Variants in FRMD6 observed in about 807,000 individuals in gnomAD.
FRMD6 encodes FERM domain containing 6, also known as FERM domain-containing protein 6.
FRMD6 carries 37 observed loss-of-function variants against 73.2 expected under a neutral mutation model. That is an observed-to-expected ratio of 0.51 (90% CI 0.39 to 0.66). The LOEUF (loss-of-function observed/expected upper bound fraction) is 0.66, where lower values mean the gene tolerates loss of function less well. Among genes scored for constraint, FRMD6 ranks in the 30% least tolerant of loss-of-function variants. FRMD6 has a pLI of 0.00. For missense variants in FRMD6, 714 were observed against 780.5 expected (o/e 0.91, Z 1.02); for synonymous variants, 273 against 282.2 (o/e 0.97, Z 0.33).
At chr14:51,677,568 C>T (rs1273148695) in intron 1 of FRMD6, among the ~76,000 whole-genome samples, 1 of 152,044 alleles carries the variant, frequency 6.6e-6, no homozygotes, top group Non-Finnish European at 1.5e-5. Flanking sequence ...GGTTGCTAAA[C>T]CTGATATGAC....
intron 2 of FRMD6, among the ~76,000 whole-genome samples, chr14:51,638,924 A>G (rs1267234672): frequency 1.3e-5 from 2 of 152,144 alleles, no homozygotes; most frequent in Non-Finnish European, 2.9e-5. Flanking sequence ...CCTGTTCCAT[A>G]TACATATCTA....
At chr14:51,683,397 A>C (rs1162146257) in intron 1 of FRMD6, among the ~76,000 whole-genome samples, 1 of 151,918 alleles carries the variant, frequency 6.6e-6, no homozygotes, top group African/African-American at 2.4e-5. Flanking sequence ...CTCCTGCCTC[A>C]GCCTCCTGAG....
chr14:51,413,359 T>A, the FRMD6 span, among the ~76,000 whole-genome samples: 2 of 152,320 alleles, frequency 1.3e-5, no homozygotes, highest in African/African-American at 4.8e-5. Context: ...CCACCCTGTG[T>A]CCAAGTGTTC....
intron 2 of FRMD6, among the ~76,000 whole-genome samples, chr14:51,575,445 A>G (rs57381361): frequency 0.013 from 1,940 of 152,338 alleles, 41 homozygotes; most frequent in African/African-American, 0.044. Context: ...TTTCTCCTGC[A>G]GATGCAGATG....
At chr14:51,438,185 G>A in the FRMD6 span, among the ~76,000 whole-genome samples, 1 of 152,116 alleles carries the variant, frequency 6.6e-6, no homozygotes, top group African/African-American at 2.4e-5. Context: ...TGTGATATTT[G>A]ACAGACATCC....
At chr14:51,446,682 C>G in the FRMD6 span, among the ~76,000 whole-genome samples, 2 of 152,314 alleles carry the variant, frequency 1.3e-5, no homozygotes, top group Non-Finnish European at 2.9e-5. Context: ...AAGAAATGGT[C>G]TTTGCCCTCA....
the FRMD6 span, among the ~76,000 whole-genome samples, chr14:51,447,201 A>G: frequency 6.6e-6 from 1 of 152,024 alleles, no homozygotes; most frequent in Admixed American, 6.6e-5. Flanking sequence ...GAGCAACAGC[A>G]AGGCCACTCT....
At chr14:51,581,516 A>G (rs1348929123) in intron 2 of FRMD6, among the ~76,000 whole-genome samples, 1 of 152,236 alleles carries the variant, frequency 6.6e-6, no homozygotes, top group Non-Finnish European at 1.5e-5. Context: ...TACAGTGCAT[A>G]TCCTTATCAG....
intron 1 of FRMD6, among the ~76,000 whole-genome samples, chr14:51,687,809 A>G (rs189337984): frequency 1.3e-5 from 2 of 152,102 alleles, no homozygotes; most frequent in Non-Finnish European, 1.5e-5. Flanking sequence ...TTTTTTTTCT[A>G]TTATAAAGAT....
chr14:51,691,959 T>C (rs1414856912), intron 2 of FRMD6, among the ~76,000 whole-genome samples: 1 of 152,060 alleles, frequency 6.6e-6, no homozygotes, highest in Non-Finnish European at 1.5e-5. Flanking sequence ...TGCTGAAATA[T>C]ATGACATTTA....
At chr14:51,701,649 G>A (rs1007881934) in intron 4 of FRMD6, among the ~76,000 whole-genome samples, 2 of 149,188 alleles carry the variant, frequency 1.3e-5, no homozygotes, top group Non-Finnish European at 3.0e-5. Context: ...GTTCTAAAGT[G>A]TCACATTAAT....
At chr14:51,623,180 T>A (rs1890993356) in intron 2 of FRMD6, among the ~76,000 whole-genome samples, 1 of 152,134 alleles carries the variant, frequency 6.6e-6, no homozygotes, top group Non-Finnish European at 1.5e-5. Flanking sequence ...ACACCTTAGG[T>A]ATATGGAATG....
chr14:51,593,005 G>A (rs1889483487), intron 2 of FRMD6, among the ~76,000 whole-genome samples: 1 of 152,280 alleles, frequency 6.6e-6, no homozygotes, highest in East Asian at 1.9e-4. Flanking sequence ...GGAGGAAAGG[G>A]ATATAGGCAG....
At position 51,704,810 on chromosome 14, in the gene FRMD6, T is replaced by C. The variant is rs1896528314; in HGVS notation, c.433T>C (p.Cys145Arg). The C allele has an allele frequency of 1.2e-6, 2 of 1,613,378 alleles. No individual in the cohort carries two copies. Among genetic ancestry groups the C allele is most frequent in the South Asian group, 1.1e-5 (1 of 91,036 alleles). Residue 145 changes from cysteine to arginine, a missense_variant, in exon 6 of 14, where the codon TGT becomes CGT. Physicochemically the swap from Cys to Arg is radical, Grantham distance 180. Transcript: ENST00000344768. ...GAGAAAACAAGTTCTTCATTCTCAG[T>C]GTGTGCTCCGAGAGGAGGCCTACTT... The part of the protein sequence containing the change: ...HLRKQVLHSQ[C>R]VLREEAYFLL...
chr14:51,513,240 G>T (rs1319618335), intron 1 of FRMD6, among the ~76,000 whole-genome samples: 2 of 152,142 alleles, frequency 1.3e-5, no homozygotes, highest in Non-Finnish European at 2.9e-5. Flanking sequence ...ACTCCTTGTT[G>T]ATCCAAGTCC....
In FRMD6 at chr14:51,728,411, T is replaced by C. The variant is rs1898102157; in HGVS notation, c.*382T>C. 1.1e-5 allele frequency: 2 copies of C among 180,320 alleles called. No individual in the cohort carries two copies. Among genetic ancestry groups the C allele is most frequent in the African/African-American group, 4.7e-5 (2 of 42,172 alleles). The allele number at this position is 180,320 out of a possible 1,614,324, so 11.2% of individuals were successfully genotyped here. ...GAAAGATGTTAGATTTGTTTGCTTA[T>C]AAATTTTTTACCACTCCCACATAAA... is the stretch of plus-strand genomic sequence containing the variant. On this transcript the variant is annotated 3_prime_UTR_variant, in exon 14 of 14. Coordinates refer to ENST00000344768, the MANE Select transcript of FRMD6 (RefSeq NM_001267046.2).
At chr14:51,696,603 T>C (rs769806339) in intron 2 of FRMD6, among the ~76,000 whole-genome samples, 6 of 151,648 alleles carry the variant, frequency 4.0e-5, no homozygotes, top group African/African-American at 7.3e-5. Context: ...TTAGACAAAA[T>C]AACAGTGATA....
chr14:51,517,269 C>T lies in FRMD6; in HGVS notation c.-210+27849C>T, dbSNP rs116001650. ...TCCGGTTTGGTTATTTCCATACATA[C>T]GAGTCTGTATCTCTCCCCTGAGGAG... On this transcript the variant is annotated intron_variant, in intron 1 of 14. Transcript: ENST00000356218. 4.8e-3 allele frequency among the ~76,000 whole-genome samples: 727 copies of T among 152,258 alleles called. 10 individuals carry two copies. Among genetic ancestry groups the T allele is most frequent in the South Asian group, 0.02 (95 of 4,820 alleles).
At chr14:51,688,221 A>G (rs1022357164) in intron 1 of FRMD6, among the ~76,000 whole-genome samples, 1 of 152,148 alleles carries the variant, frequency 6.6e-6, no homozygotes, top group Non-Finnish European at 1.5e-5. Flanking sequence ...CAGGCCTCCA[A>G]TGACCCCATG....
Sources: allele counts gnomAD v4.1 joint callset (sites outside exome capture counted in the v4.1 genomes callset), GRCh38; gene constraint gnomAD v4.1.1; transcripts MANE v1.5; gene names NCBI Gene and HGNC (gene_info 2026-07-23, HGNC 2026-07-21).